CHIA: variants seen among roughly 807,000 people sequenced by gnomAD.
The protein encoded by CHIA is acidic mammalian chitinase.
CHIA carries 47 observed loss-of-function variants against 53.5 expected under a neutral mutation model. The observed-to-expected ratio is 0.88, with a 90% confidence interval of 0.70 to 1.12. The LOEUF (loss-of-function observed/expected upper bound fraction) is 1.12. Among genes scored for constraint, CHIA ranks in the 50% most tolerant of loss-of-function variants. The pLI is 0.00. For missense variants in CHIA, 652 were observed against 592.2 expected, an observed-to-expected ratio of 1.10 and a Z score of -1.05; for synonymous variants, 268 against 222.2, an observed-to-expected ratio of 1.21 and a Z score of -1.83.
chr1:111,292,115 T>G (rs1661061287), intron 1 of CHIA, among the ~76,000 whole-genome samples: 1 of 152,178 alleles, frequency 6.6e-6, no homozygotes, highest in African/African-American at 2.4e-5. Context: ...TAATTACTCC[T>G]CAGCTATCCA....
chr1:111,298,580 T>C (rs1213684312), intron 1 of CHIA, among the ~76,000 whole-genome samples: 1 of 150,918 alleles, frequency 6.6e-6, no homozygotes, highest in Non-Finnish European at 1.5e-5. Flanking sequence ...GAATCTCCAG[T>C]TAAAGCAGTG....
chr1:111,318,286 T>C (rs1435125078), intron 8 of CHIA, among the ~76,000 whole-genome samples, 177 bp downstream of exon 8: 1 of 152,196 alleles, frequency 6.6e-6, no homozygotes, highest in East Asian at 1.9e-4. Flanking sequence ...AAAGTAAACA[T>C]AAATTCTGCA....
rs1466283618 is a variant in CHIA, at chr1:111,312,395, G to A, written c.257+4G>A. 6.2e-7 allele frequency: 1 copy of A among 1,608,814 alleles called. No homozygotes were observed. Among genetic ancestry groups the A allele is most frequent in the East Asian group, 2.2e-5 (1 of 44,854 alleles). ...CTTTCAATGGCCTGAAAAATAAGTA[G>A]GATGAGGGAGATATTTAATTTGGCA... On this transcript the variant is annotated splice_donor_region_variant and intron_variant, in intron 4 of 11. Coordinates refer to ENST00000369740, the MANE Select transcript of CHIA (RefSeq NM_201653.4).
At chr1:111,310,937 T>G (rs1183707658) in intron 2 of CHIA, among the ~76,000 whole-genome samples, 1 of 152,222 alleles carries the variant, frequency 6.6e-6, no homozygotes, top group Non-Finnish European at 1.5e-5. Flanking sequence ...TTCTGCTGTT[T>G]TCAGAATTAT....
intron 5 of CHIA, chr1:111,314,841 C>A: frequency 2.1e-6 from 1 of 485,568 alleles, no homozygotes; most frequent in Non-Finnish European, 3.6e-6. Context: ...ACTGAGGTTC[C>A]CAAACAACCT....
intron 1 of CHIA, among the ~76,000 whole-genome samples, chr1:111,293,668 A>G (rs914265561): frequency 2.6e-5 from 4 of 152,202 alleles, no homozygotes; most frequent in African/African-American, 9.7e-5. Context: ...TGGAAGTCCA[A>G]TGTTATGAAC....
intron 9 of CHIA, 80 bp from the exon 10 acceptor site, chr1:111,319,040 T>C (rs2101654824): frequency 2.6e-6 from 4 of 1,529,086 alleles, no homozygotes; most frequent in Non-Finnish European, 2.6e-6. Context: ...ACTGGAGACA[T>C]GAAAGAAGAA....
intron 1 of CHIA, among the ~76,000 whole-genome samples, chr1:111,301,354 A>G (rs907871801): frequency 2.0e-5 from 3 of 152,164 alleles, no homozygotes; most frequent in African/African-American, 7.2e-5. Context: ...TGATAGACTG[A>G]ATAAAGAAAA....
intron 1 of CHIA, among the ~76,000 whole-genome samples, chr1:111,298,060 T>C (rs1254848763): frequency 6.6e-6 from 1 of 152,136 alleles, no homozygotes; most frequent in African/African-American, 2.4e-5. Flanking sequence ...TAAATATATA[T>C]GCACCCAATA....
chr1:111,320,478 T>C lies in CHIA; in HGVS notation c.*12T>C, dbSNP rs758408491. 47 of 1,609,896 alleles carry C rather than the reference T, an allele frequency of 2.9e-5. 2 individuals carry two copies. Among genetic ancestry groups the C allele is most frequent in the East Asian group, 1.3e-4 (6 of 44,794 alleles). ...GCAACTGGGCATAAACCTGACCTGG[T>C]CTATATTCCCTAGAGTTCCAGTCTC... On this transcript the variant is annotated 3_prime_UTR_variant, in exon 12 of 12. Coordinates refer to ENST00000369740, the MANE Select transcript of CHIA (RefSeq NM_201653.4).
intron 1 of CHIA, among the ~76,000 whole-genome samples, chr1:111,293,720 A>G (rs1661167454): frequency 6.6e-6 from 1 of 152,144 alleles, no homozygotes; most frequent in South Asian, 2.1e-4. Context: ...ATACTTTTAC[A>G]TCTTACATTT....
chr1:111,297,901 C>CAAAAAAAAAAAAA (rs1188512345), intron 1 of CHIA, among the ~76,000 whole-genome samples: 9 of 31,848 alleles, frequency 2.8e-4, no homozygotes, highest in African/African-American at 4.4e-4. Flanking sequence ...AAATGGAAAG[C>CAAAAAAAAAAAAA]AAAAAAAAAA....
intron 7 of CHIA, 50 bp from the exon 8 acceptor site, chr1:111,317,936 G>A (rs1349972652): frequency 1.2e-6 from 2 of 1,613,224 alleles, no homozygotes; most frequent in Non-Finnish European, 8.5e-7. Flanking sequence ...GCCTGCATAG[G>A]TGTGGGAAAT....
intron 1 of CHIA, among the ~76,000 whole-genome samples, chr1:111,306,095 T>C (rs1452820053): frequency 6.6e-6 from 1 of 152,222 alleles, no homozygotes; most frequent in Non-Finnish European, 1.5e-5. Flanking sequence ...GTAAATAACT[T>C]GACAGGCAAC....
intron 6 of CHIA, 54 bp from the exon 7 acceptor site, chr1:111,317,627 T>G: frequency 6.3e-7 from 1 of 1,598,778 alleles, no homozygotes; most frequent in East Asian, 2.2e-5. Context: ...TAGTATTATT[T>G]AAGGAGCTAA....
At chr1:111,297,449 C>A (rs1195771204) in intron 1 of CHIA, among the ~76,000 whole-genome samples, 1 of 152,106 alleles carries the variant, frequency 6.6e-6, no homozygotes, top group South Asian at 2.1e-4. Flanking sequence ...GAATTTTCAA[C>A]CCAGAATTTC....
intron 1 of CHIA, among the ~76,000 whole-genome samples, chr1:111,293,607 C>G (rs751170505): frequency 1.1e-4 from 16 of 152,134 alleles, no homozygotes; most frequent in Non-Finnish European, 1.9e-4. Context: ...CCAATTTGTG[C>G]ATTGTATTCT....
In CHIA at chr1:111,317,790, TC is replaced by T. The variant is rs150563512; in HGVS notation, c.595del (p.Gln199AsnfsTer12). ...TCCAATATCCAGTCTGGCTATGAGA[TC>T]CCCCAACTGTCACAGTGAGTGATGT... ...GISNIQSGYE[I>X]PQLSQYLDYI... On this transcript the variant is annotated frameshift_variant, in exon 7 of 12. Transcript: ENST00000369740. LOFTEE classifies it high-confidence loss of function. 1.4e-4 allele frequency: 225 copies of T among 1,613,502 alleles called. No homozygotes were observed. The African/African-American group carries it at 2.7e-3, about 19-fold the overall frequency.
chr1:111,297,901 C>CAAA (rs1188512345), intron 1 of CHIA, among the ~76,000 whole-genome samples: 5,775 of 31,878 alleles, frequency 0.18, 1,029 homozygotes, highest in African/African-American at 0.3. Context: ...AAATGGAAAG[C>CAAA]AAAAAAAAAA....
Sources: allele counts gnomAD v4.1 joint callset (sites outside exome capture counted in the v4.1 genomes callset), GRCh38; gene constraint gnomAD v4.1.1; transcripts MANE v1.5; gene names NCBI Gene and HGNC (gene_info 2026-07-23, HGNC 2026-07-21).